FSTL5: variants seen among roughly 807,000 people sequenced by gnomAD.
The protein encoded by FSTL5 is follistatin like 5, also known as follistatin-related protein 5.
A neutral mutation model predicts 89.1 loss-of-function variants in FSTL5; 62 were observed. The ratio of observed to expected loss-of-function variants is 0.70; its 90% CI spans 0.57 to 0.86. FSTL5 has a LOEUF of 0.86. FSTL5 is among the 40% of genes least tolerant of loss of function. FSTL5 has a pLI of 0.00. For synonymous variants in FSTL5, 383 were observed against 346.2 expected, an observed-to-expected ratio of 1.11 and a Z score of -1.18; for missense variants, 1,057 against 1,001.6, an observed-to-expected ratio of 1.06 and a Z score of -0.75.
intron 3 of FSTL5, among the ~76,000 whole-genome samples, chr4:161,963,469 T>C (rs934472148): frequency 6.6e-6 from 1 of 151,960 alleles, no homozygotes; most frequent in Non-Finnish European, 1.5e-5. Flanking sequence ...TTGGTTCCTG[T>C]ATCACAGATA....
At chr4:161,474,386 T>C (rs1390056067) in intron 13 of FSTL5, among the ~76,000 whole-genome samples, 1 of 152,188 alleles carries the variant, frequency 6.6e-6, no homozygotes, top group Non-Finnish European at 1.5e-5. Flanking sequence ...TAATAACTTT[T>C]AGACTAATAA....
At chr4:162,080,636 C>T (rs190831691) in intron 2 of FSTL5, among the ~76,000 whole-genome samples, 225 of 151,640 alleles carry the variant, frequency 1.5e-3, no homozygotes, top group African/African-American at 5.2e-3. Flanking sequence ...TCACTATTTC[C>T]TTGTATGACG....
intron 3 of FSTL5, among the ~76,000 whole-genome samples, chr4:162,000,954 A>G (rs1001150448): frequency 3.9e-5 from 6 of 152,192 alleles, no homozygotes; most frequent in Admixed American, 3.3e-4. Flanking sequence ...TAAGTTTTGG[A>G]AATGGATTAC....
chr4:162,042,170 T>A (rs530174287), intron 2 of FSTL5: 21 of 150,664 alleles, frequency 1.4e-4, no homozygotes, highest in African/African-American at 4.6e-4. Context: ...AAAAAAAAAA[T>A]GTTATATGAA....
At chr4:161,839,840 A>G (rs1411243580) in intron 4 of FSTL5, among the ~76,000 whole-genome samples, 1 of 152,160 alleles carries the variant, frequency 6.6e-6, no homozygotes. Flanking sequence ...ACTTAAATCT[A>G]GTGTATGTTT....
At chr4:161,875,878 C>A (rs1015841615) in intron 4 of FSTL5, among the ~76,000 whole-genome samples, 11 of 152,026 alleles carry the variant, frequency 7.2e-5, no homozygotes, top group Admixed American at 2.0e-4. Flanking sequence ...TTTGTACAAT[C>A]TGTTTGATCT....
At chr4:161,890,407 T>C (rs1051725072) in intron 4 of FSTL5, among the ~76,000 whole-genome samples, 14 of 152,076 alleles carry the variant, frequency 9.2e-5, no homozygotes, top group African/African-American at 3.4e-4. Flanking sequence ...AATGTATCTG[T>C]TCTCGAGCAC....
At chr4:161,792,034 G>A (rs1454072891) in intron 4 of FSTL5, among the ~76,000 whole-genome samples, 1 of 152,134 alleles carries the variant, frequency 6.6e-6, no homozygotes, top group Middle Eastern at 3.2e-3. Flanking sequence ...CTGCAGCTGT[G>A]GACCCAGGCA....
chr4:162,016,009 AT>A (rs1231956473), intron 3 of FSTL5, among the ~76,000 whole-genome samples: 1 of 152,170 alleles, frequency 6.6e-6, no homozygotes, highest in Non-Finnish European at 1.5e-5. Context: ...GGGAATGTTC[AT>A]TAGATACTAC....
Position 161,510,980 on chromosome 4 carries a change from C to T in FSTL5, c.1313-556G>A, listed in dbSNP as rs1385751966. 2.6e-5 allele frequency among the ~76,000 whole-genome samples: 4 copies of T among 151,978 alleles called. No homozygotes were observed. In the East Asian group the frequency reaches 5.8e-4, roughly 22 times the overall value. ...ACAGAAAATAGATCTAAGTATACTT[C>T]GCTTCTTTTAGTACATACTGAATTG... On this transcript the variant is annotated intron_variant, in intron 10 of 15. Coordinates refer to ENST00000306100, the MANE Select transcript of FSTL5 (RefSeq NM_020116.5).
intron 11 of FSTL5, among the ~76,000 whole-genome samples, chr4:161,501,910 C>T (rs1220232176): frequency 6.6e-6 from 1 of 151,942 alleles, no homozygotes; most frequent in African/African-American, 2.4e-5. Flanking sequence ...ATATAAATAA[C>T]TATCAATTTA....
intron 7 of FSTL5, among the ~76,000 whole-genome samples, chr4:161,648,333 G>A (rs561871364): frequency 6.6e-6 from 1 of 152,266 alleles, no homozygotes; most frequent in South Asian, 2.1e-4. Context: ...CCAGGGGATT[G>A]GAGCCCCACA....
intron 2 of FSTL5, among the ~76,000 whole-genome samples, chr4:162,096,751 A>G (rs1481217205): frequency 2.0e-5 from 3 of 151,962 alleles, no homozygotes; most frequent in African/African-American, 7.2e-5. Context: ...TATATGTTAT[A>G]AAAGGTATTC....
intron 6 of FSTL5, among the ~76,000 whole-genome samples, chr4:161,749,539 T>C (rs1560823929): frequency 6.6e-6 from 1 of 152,164 alleles, no homozygotes; most frequent in Non-Finnish European, 1.5e-5. Flanking sequence ...GGCTCACGCC[T>C]GTAATCCCAG....
chr4:162,062,378 C>T (rs2111285270), intron 2 of FSTL5, among the ~76,000 whole-genome samples: 1 of 151,944 alleles, frequency 6.6e-6, no homozygotes, highest in Admixed American at 6.6e-5. Flanking sequence ...ATTCAGGATA[C>T]TTATTCTGCT....
At chr4:161,642,570 G>C (rs1355986309) in intron 7 of FSTL5, among the ~76,000 whole-genome samples, 1 of 151,976 alleles carries the variant, frequency 6.6e-6, no homozygotes. Context: ...AATTTAAAAA[G>C]GTTACGATAT....
At chr4:161,474,627 C>A (rs575577559) in intron 13 of FSTL5, among the ~76,000 whole-genome samples, 3 of 149,956 alleles carry the variant, frequency 2.0e-5, no homozygotes, top group Non-Finnish European at 4.4e-5. Context: ...TTCACTGCAA[C>A]CTCTGCCTCC....
intron 2 of FSTL5, among the ~76,000 whole-genome samples, chr4:162,093,455 T>A (rs1730628614): frequency 6.6e-6 from 1 of 152,186 alleles, no homozygotes; most frequent in African/African-American, 2.4e-5. Flanking sequence ...CAGTAAAATA[T>A]CATTTTACCA....
chr4:161,988,044 T>G (rs148958956), intron 3 of FSTL5, among the ~76,000 whole-genome samples: 83 of 149,718 alleles, frequency 5.5e-4, no homozygotes, highest in African/African-American at 1.9e-3. Context: ...AGAGAATAAA[T>G]GATTGGACTA....
Sources: gnomAD v4.1 joint callset for allele counts (sites outside exome capture counted in the v4.1 genomes callset) on GRCh38, gnomAD v4.1.1 for gene constraint, MANE v1.5 for transcripts, NCBI Gene and HGNC (gene_info 2026-07-23, HGNC 2026-07-21) for gene names.